SGCZ: variants seen among roughly 807,000 people sequenced by gnomAD.
The protein encoded by SGCZ is zeta-sarcoglycan.
A neutral mutation model predicts 41.3 loss-of-function variants in SGCZ; 40 were observed. The ratio of observed to expected loss-of-function variants is 0.97; its 90% CI spans 0.75 to 1.26. The LOEUF is 1.26. SGCZ is among the 50% of genes most tolerant of loss of function. The pLI, the probability that SGCZ is intolerant of heterozygous loss-of-function variation, is 0.00. For synonymous variants in SGCZ, 206 were observed against 137.5 expected, an observed-to-expected ratio of 1.50 and a Z score of -3.49; for missense variants, 552 against 369.8, an observed-to-expected ratio of 1.49 and a Z score of -4.04.
intron 1 of SGCZ, among the ~76,000 whole-genome samples, chr8:14,702,813 G>GTAGGTAGATAGA (rs1240072459): frequency 8.7e-6 from 1 of 115,330 alleles, no homozygotes; most frequent in African/African-American, 3.2e-5. Context: ...AGGTAGTTAG[G>GTAGGTAGATAGA]TAGATAGATA....
chr8:15,072,524 C>A (rs895512360), intron 1 of SGCZ, among the ~76,000 whole-genome samples: 3 of 152,174 alleles, frequency 2.0e-5, no homozygotes, highest in Non-Finnish European at 2.9e-5. Context: ...CCCAACCTGA[C>A]CTGTCCTATA....
intron 1 of SGCZ, among the ~76,000 whole-genome samples, chr8:14,696,331 A>T (rs1808961151): frequency 6.6e-6 from 1 of 152,104 alleles, no homozygotes; most frequent in South Asian, 2.1e-4. Flanking sequence ...TTTACACTGA[A>T]CGCAAAGATT....
At chr8:15,225,336 T>A (rs1801732757) in intron 1 of SGCZ, among the ~76,000 whole-genome samples, 1 of 152,158 alleles carries the variant, frequency 6.6e-6, no homozygotes, top group Non-Finnish European at 1.5e-5. Context: ...TATCTCTTCC[T>A]AGGACTAGTT....
chr8:14,751,101 T>A (rs1437665033), intron 1 of SGCZ, among the ~76,000 whole-genome samples: 2 of 152,204 alleles, frequency 1.3e-5, no homozygotes, highest in Non-Finnish European at 2.9e-5. Context: ...TTCCAAGATA[T>A]CTTTCTTAGA....
At chr8:14,234,391 C>T (rs537328764) in intron 4 of SGCZ, among the ~76,000 whole-genome samples, 127 of 152,060 alleles carry the variant, frequency 8.4e-4, no homozygotes, top group African/African-American at 2.8e-3. Context: ...AATGGATATT[C>T]GCTTTGCTGA....
chr8:15,104,952 T>C (rs1806765258), intron 1 of SGCZ, among the ~76,000 whole-genome samples: 1 of 152,208 alleles, frequency 6.6e-6, no homozygotes, highest in South Asian at 2.1e-4. Flanking sequence ...TGTGCTGAGA[T>C]AGAGCCAAAC....
chr8:14,922,448 A>T (rs1799616480), intron 1 of SGCZ, among the ~76,000 whole-genome samples: 1 of 151,996 alleles, frequency 6.6e-6, no homozygotes, highest in African/African-American at 2.4e-5. Flanking sequence ...ATGTTTTTGT[A>T]TTTTTTATTT....
intron 2 of SGCZ, among the ~76,000 whole-genome samples, chr8:14,363,571 A>G (rs1430583977): frequency 6.6e-6 from 1 of 152,086 alleles, no homozygotes; most frequent in Non-Finnish European, 1.5e-5. Flanking sequence ...TTTACTTTTA[A>G]CAATATAAAT....
intron 1 of SGCZ, among the ~76,000 whole-genome samples, chr8:15,051,211 A>G (rs935661450): frequency 2.6e-5 from 4 of 152,190 alleles, no homozygotes; most frequent in African/African-American, 9.6e-5. Context: ...CGAAAACGTA[A>G]AGAAAGAGGC....
chr8:14,626,153 T>C (rs1004381619), intron 1 of SGCZ, among the ~76,000 whole-genome samples: 3 of 152,118 alleles, frequency 2.0e-5, no homozygotes, highest in Non-Finnish European at 4.4e-5. Context: ...TTTATATCAT[T>C]TTTATTTTAT....
chr8:15,125,503 T>C (rs553869728), intron 1 of SGCZ, among the ~76,000 whole-genome samples: 1 of 152,212 alleles, frequency 6.6e-6, no homozygotes, highest in Non-Finnish European at 1.5e-5. Context: ...AGAAATATTC[T>C]CTTCTTTATG....
intron 2 of SGCZ, among the ~76,000 whole-genome samples, chr8:14,508,836 C>G (rs541420592): frequency 6.6e-6 from 1 of 152,176 alleles, no homozygotes; most frequent in South Asian, 2.1e-4. Context: ...GAAAATAGGA[C>G]CACTCTACTA....
chr8:14,170,029 T>C (rs1804328677), intron 4 of SGCZ, among the ~76,000 whole-genome samples: 1 of 151,406 alleles, frequency 6.6e-6, no homozygotes, highest in Non-Finnish European at 1.5e-5. Flanking sequence ...GAATACTTTG[T>C]AAATTTTAAA....
At chr8:14,338,841 C>T (rs773117960) in intron 2 of SGCZ, among the ~76,000 whole-genome samples, 1 of 151,984 alleles carries the variant, frequency 6.6e-6, no homozygotes, top group East Asian at 1.9e-4. Flanking sequence ...TGCCCTATGA[C>T]AAGAGTGCTC....
chr8:14,726,384 A>G (rs1323632433), intron 1 of SGCZ, among the ~76,000 whole-genome samples: 2 of 147,802 alleles, frequency 1.4e-5, no homozygotes, highest in Admixed American at 6.8e-5. Flanking sequence ...ATGACAGACA[A>G]ATTATTTAAA....
At chr8:14,139,953 C>G (rs1422586115) in intron 5 of SGCZ, among the ~76,000 whole-genome samples, 1 of 152,004 alleles carries the variant, frequency 6.6e-6, no homozygotes, top group East Asian at 1.9e-4. Context: ...ACTGGCAAAC[C>G]AAATCCAGCA....
At chr8:14,987,739 T>C (rs1801873508) in intron 1 of SGCZ, among the ~76,000 whole-genome samples, 1 of 151,970 alleles carries the variant, frequency 6.6e-6, no homozygotes, top group South Asian at 2.1e-4. Context: ...TCTAAACCAT[T>C]TACACTTTTA....
At chr8:14,751,035 G>A (rs1174773546) in intron 1 of SGCZ, among the ~76,000 whole-genome samples, 1 of 152,132 alleles carries the variant, frequency 6.6e-6, no homozygotes, top group Non-Finnish European at 1.5e-5. Flanking sequence ...ATCTGCTATT[G>A]CTATCATATG....
At chr8:15,055,428 T>C (rs1804670400) in intron 1 of SGCZ, among the ~76,000 whole-genome samples, 2 of 152,160 alleles carry the variant, frequency 1.3e-5, no homozygotes, top group Non-Finnish European at 2.9e-5. Context: ...ATGGAAAATA[T>C]CTAGGTCCTA....
Sources: gnomAD v4.1 joint callset for allele counts (sites outside exome capture counted in the v4.1 genomes callset) on GRCh38, gnomAD v4.1.1 for gene constraint, MANE v1.5 for transcripts, NCBI Gene and HGNC (gene_info 2026-07-23, HGNC 2026-07-21) for gene names.